The following ITFG1 variants were observed in gnomAD, a reference collection of about 807,000 sequenced individuals.
ITFG1 encodes integrin alpha FG-GAP repeat containing 1.
In ITFG1, 34 loss-of-function variants were observed where a neutral mutation model predicts 81.8. The observed-to-expected ratio is 0.42, with a 90% CI of 0.32 to 0.55. The LOEUF is 0.55. ITFG1 is among the 20% of genes least tolerant of loss of function. ITFG1 has a pLI of 0.17. For synonymous variants in ITFG1, 285 were observed against 270.6 expected (o/e 1.05, Z -0.52); for missense variants, 672 against 755.4 (o/e 0.89, Z 1.29).
At chr16:47,451,114 G>A (rs567098159) in intron 5 of ITFG1, among the ~76,000 whole-genome samples, 18 of 152,284 alleles carry the variant, frequency 1.2e-4, no homozygotes, top group Admixed American at 9.2e-4. Flanking sequence ...CCCTATTTAC[G>A]TGAAATCTAT....
intron 5 of ITFG1, among the ~76,000 whole-genome samples, chr16:47,433,183 A>G (rs1467335468): frequency 6.6e-6 from 1 of 152,258 alleles, no homozygotes; most frequent in Non-Finnish European, 1.5e-5. Context: ...TTTATTTCAA[A>G]GGAAGACTCT....
intron 12 of ITFG1, among the ~76,000 whole-genome samples, chr16:47,242,738 T>C (rs1226676704): frequency 1.3e-5 from 2 of 152,188 alleles, no homozygotes; most frequent in African/African-American, 4.8e-5. Flanking sequence ...AGTAGAAAAT[T>C]ATACAATTTC....
At chr16:47,209,200 C>T (rs945088449) in intron 14 of ITFG1, among the ~76,000 whole-genome samples, 13 of 152,070 alleles carry the variant, frequency 8.5e-5, no homozygotes, top group African/African-American at 2.4e-4. Flanking sequence ...ATTTTGTCTA[C>T]CAAACTATAT....
At position 47,311,348 on chromosome 16, in the gene ITFG1, T is replaced by A. The variant is rs749667907; in HGVS notation, c.962A>T (p.Asp321Val). ...GTLWGFVPFV[D>V]EQQPTEIPIP... ...TGGTATTTCAGTTGGTTGCTGTTCATCCACAAATGGCACAAAGCCCCAGAG... is the reference window on the plus strand; with the variant it reads ...TGGTATTTCAGTTGGTTGCTGTTCAACCACAAATGGCACAAAGCCCCAGAG... Residue 321 changes from aspartate to valine, a missense_variant, in exon 10 of 18, where the codon GAT becomes GTT. Around this residue, in one of 3 missense-constraint regions of ITFG1, gnomAD observed 560 missense variants for 625.7 expected, o/e 0.90. Coordinates refer to ENST00000320640, the MANE Select transcript of ITFG1 (RefSeq NM_030790.5). The A allele has an allele frequency of 1.2e-6, 2 of 1,613,788 alleles. No individual in the cohort carries two copies. Among genetic ancestry groups the A allele is most frequent in the African/African-American group, 2.7e-5 (2 of 74,906 alleles).
At chr16:47,358,725 G>A (rs1215565225) in intron 8 of ITFG1, among the ~76,000 whole-genome samples, 2 of 152,034 alleles carry the variant, frequency 1.3e-5, no homozygotes, top group Non-Finnish European at 2.9e-5. Context: ...TGTTAATACT[G>A]AATAGTTAAT....
At chr16:47,222,282 T>C (rs1367261423) in intron 13 of ITFG1, among the ~76,000 whole-genome samples, 3 of 151,920 alleles carry the variant, frequency 2.0e-5, no homozygotes, top group Non-Finnish European at 4.4e-5. Context: ...TTCTGGTATG[T>C]TGTGTCTTTG....
At chr16:47,284,894 G>T (rs531552549) in intron 10 of ITFG1, among the ~76,000 whole-genome samples, 2 of 152,230 alleles carry the variant, frequency 1.3e-5, no homozygotes, top group East Asian at 3.9e-4. Context: ...AGAATTTATG[G>T]TGTAATATTT....
intron 8 of ITFG1, among the ~76,000 whole-genome samples, chr16:47,341,899 T>C (rs1400967369): frequency 6.6e-6 from 1 of 152,164 alleles, no homozygotes; most frequent in African/African-American, 2.4e-5. Context: ...ACCAGACCTA[T>C]AACAAGTAAA....
intron 11 of ITFG1, among the ~76,000 whole-genome samples, chr16:47,258,942 C>A (rs1966173214): frequency 6.6e-6 from 1 of 151,980 alleles, no homozygotes; most frequent in Non-Finnish European, 1.5e-5. Flanking sequence ...AAATAAAAAA[C>A]ATCTGTAATT....
intron 6 of ITFG1, among the ~76,000 whole-genome samples, chr16:47,406,733 A>C (rs1045228331): frequency 6.6e-6 from 1 of 152,214 alleles, no homozygotes; most frequent in Non-Finnish European, 1.5e-5. Flanking sequence ...TTTGAAGAAA[A>C]ACTAAAGAAG....
chr16:47,407,169 G>A (rs1968739967), intron 6 of ITFG1, among the ~76,000 whole-genome samples: 1 of 152,144 alleles, frequency 6.6e-6, no homozygotes, highest in African/African-American at 2.4e-5. Flanking sequence ...AGACAAGGGT[G>A]GAAGCAAGGA....
At chr16:47,184,363 A>C (rs1300703320) in intron 14 of ITFG1, among the ~76,000 whole-genome samples, 1 of 152,204 alleles carries the variant, frequency 6.6e-6, no homozygotes, top group Admixed American at 6.5e-5. Context: ...AAAAAATGTT[A>C]AGGGCAGCCA....
intron 6 of ITFG1, among the ~76,000 whole-genome samples, chr16:47,401,200 G>A (rs1393750755): frequency 6.6e-6 from 1 of 152,142 alleles, no homozygotes; most frequent in Non-Finnish European, 1.5e-5. Context: ...GGAGTCAAGA[G>A]TGACTCTTGG....
chr16:47,289,649 A>G (rs1185974035), intron 10 of ITFG1, among the ~76,000 whole-genome samples: 3 of 152,106 alleles, frequency 2.0e-5, no homozygotes, highest in Admixed American at 1.3e-4. Context: ...GTTGTTTGTA[A>G]TAGTCTCTAA....
chr16:47,427,605 G>A (rs1363012327), intron 6 of ITFG1, among the ~76,000 whole-genome samples: 2 of 152,224 alleles, frequency 1.3e-5, no homozygotes, highest in Non-Finnish European at 1.5e-5. Flanking sequence ...CAGCCTGGGC[G>A]ACAGAGCGAG....
chr16:47,321,697 C>CA (rs1271938750), intron 8 of ITFG1, among the ~76,000 whole-genome samples: 5 of 152,120 alleles, frequency 3.3e-5, no homozygotes, highest in Admixed American at 6.6e-5. Context: ...AAGACTCTAT[C>CA]ATTTACAAAC....
rs552367678 is a variant in ITFG1 at position 47,267,958 on chromosome 16, C to T, written c.1071-7263G>A. 2.6e-5 allele frequency among the ~76,000 whole-genome samples: 4 copies of T among 151,734 alleles called. No homozygotes were observed. The South Asian group carries it at 8.3e-4, about 32-fold the overall frequency. On this transcript the variant is annotated intron_variant, in intron 10 of 17. Coordinates refer to ENST00000320640, the MANE Select transcript of ITFG1 (RefSeq NM_030790.5). The stretch of plus-strand genomic sequence containing the variant: ...AAGAAGAAAAGTCTCAAACAAATGA[C>T]CTCAGTTACCTTCTTAAAAGCCAAA...
chr16:47,179,972 T>A (rs144117481), intron 14 of ITFG1, among the ~76,000 whole-genome samples: 104 of 152,334 alleles, frequency 6.8e-4, no homozygotes, highest in African/African-American at 2.5e-3. Context: ...TTGAATTATA[T>A]CTGAACTCAG....
At chr16:47,183,623 A>G (rs1335195897) in intron 14 of ITFG1, among the ~76,000 whole-genome samples, 4 of 152,266 alleles carry the variant, frequency 2.6e-5, no homozygotes, top group Non-Finnish European at 2.9e-5. Context: ...CATCCACACC[A>G]AAAACCCATC....
Sources: gnomAD v4.1 joint callset for allele counts (sites outside exome capture counted in the v4.1 genomes callset) on GRCh38, gnomAD v4.1.1 for gene constraint, gnomAD v4.1.1 regional missense constraint, MANE v1.5 for transcripts, NCBI Gene and HGNC (gene_info 2026-07-23, HGNC 2026-07-21) for gene names.